PSEN1: variants seen among roughly 807,000 people sequenced by gnomAD.
The protein encoded by PSEN1 is presenilin-1.
PSEN1 carries 15 observed loss-of-function variants against 53.5 expected under a neutral mutation model. That is an observed-to-expected ratio of 0.28 (90% CI 0.19 to 0.43). The LOEUF (loss-of-function observed/expected upper bound fraction) is 0.43, where lower values mean the gene tolerates loss of function less well. Among genes scored for constraint, PSEN1 ranks in the 20% least tolerant of loss-of-function variants. The probability of loss-of-function intolerance (pLI) is 1.00; values close to 1 mark genes in which losing one functional copy is unlikely to be tolerated. For synonymous variants in PSEN1, 208 were observed against 209.8 expected (o/e 0.99, Z 0.08); for missense variants, 387 against 571.2 (o/e 0.68, Z 3.29).
intron 6 of PSEN1, 131 bp from the exon 7 acceptor site, chr14:73,192,513 G>A (rs1898762272): frequency 7.0e-6 from 5 of 719,168 alleles, no homozygotes; most frequent in Non-Finnish European, 1.3e-5. Flanking sequence ...TAGCACAGTT[G>A]ATATAGGTTA....
chr14:73,191,355 ATG>A (rs1392257100), intron 6 of PSEN1, among the ~76,000 whole-genome samples: 2 of 152,056 alleles, frequency 1.3e-5, no homozygotes, highest in Non-Finnish European at 2.9e-5. Flanking sequence ...CCATGTTTAT[ATG>A]TGTGTATTAA....
chr14:73,140,202 C>CTTTTTTTTTTTTTT (rs35223948), intron 1 of PSEN1, among the ~76,000 whole-genome samples: 3 of 73,040 alleles, frequency 4.1e-5, no homozygotes, highest in African/African-American at 5.4e-5. Flanking sequence ...TTTTGCTATT[C>CTTTTTTTTTTTTTT]TTTTTTTTTT....
intron 6 of PSEN1, among the ~76,000 whole-genome samples, chr14:73,190,485 TAAAAAAAA>T (rs78682030): frequency 7.5e-6 from 1 of 133,018 alleles, no homozygotes; most frequent in African/African-American, 2.8e-5. Flanking sequence ...TGTCTCTATT[TAAAAAAAA>T]AAAAAAAAAA....
At position 73,157,305 on chromosome 14, in the gene PSEN1, C is replaced by CT. The variant is rs78344413; in HGVS notation, c.87+9211dup. On this transcript the variant is annotated intron_variant, in intron 3 of 11. Coordinates refer to ENST00000324501, the MANE Select transcript of PSEN1 (RefSeq NM_000021.4). ...CACACCCAGCTAATTTTTTTGTATA[C>CT]TTTTTTTTTTTTAAGTACAGATGGG... 3.4e-3 allele frequency among the ~76,000 whole-genome samples: 497 copies of CT among 144,886 alleles called. 2 individuals are homozygous for CT. The highest frequency in any genetic ancestry group is 0.011 in the African/African-American group (427 of 39,812).
rs555056057 is a variant in PSEN1, at chr14:73,222,489, G to A, written c.*3200G>A. 7.9e-5 allele frequency: 12 copies of A among 152,244 alleles called. No homozygotes were observed. Among genetic ancestry groups the A allele is most frequent in the East Asian group, 5.8e-4 (3 of 5,186 alleles). 9.4% of individuals were successfully genotyped at this position (152,244 alleles called of 1,614,324 possible). A position where few individuals can be genotyped will look rare whatever the true frequency, so the allele number is the denominator to read the frequency against. On this transcript the variant is annotated 3_prime_UTR_variant, in exon 12 of 12. Coordinates refer to ENST00000324501, the MANE Select transcript of PSEN1 (RefSeq NM_000021.4). ...AGGTCTCCCAGGGTTAGATGACTGC[G>A]GGAAGCCTTTGATCCCAACCCCCAA... is the stretch of plus-strand genomic sequence containing the variant.
chr14:73,209,992 C>A (rs116616518), intron 9 of PSEN1, among the ~76,000 whole-genome samples: 149 of 152,334 alleles, frequency 9.8e-4, no homozygotes, highest in African/African-American at 3.1e-3. Context: ...ATCAAAAACT[C>A]CTCCATCCTA....
At chr14:73,209,222 G>A (rs1193810639) in intron 9 of PSEN1, among the ~76,000 whole-genome samples, 1 of 152,154 alleles carries the variant, frequency 6.6e-6, no homozygotes, top group East Asian at 1.9e-4. Flanking sequence ...CAGGACTCCC[G>A]CCTGTTCCTG....
Position 73,147,547 on chromosome 14 carries a change from G to A in PSEN1, c.-135-248G>A, listed in dbSNP as rs539760205. ...TGAGAACATTCCTTAAGATTACTCA[G>A]CTCCCTTTGCTGGAAATCAGAAGTC... On this transcript the variant is annotated intron_variant, in intron 1 of 11. Transcript: ENST00000324501. 138 of 199,718 alleles carry A rather than the reference G, an allele frequency of 6.9e-4. No individual in the cohort carries two copies. The Middle Eastern group carries it at 0.016, about 24-fold the overall frequency. The allele number at this position is 199,718 out of a possible 1,614,324, so 12.4% of individuals were successfully genotyped here. A position where few individuals can be genotyped will look rare whatever the true frequency, so the allele number is the denominator to read the frequency against.
chr14:73,212,218 C>T (rs1899731269), intron 10 of PSEN1, among the ~76,000 whole-genome samples: 1 of 144,432 alleles, frequency 6.9e-6, no homozygotes, highest in Admixed American at 7.3e-5. Flanking sequence ...TCAAGTGATT[C>T]TCCTGCCTCA....
intron 7 of PSEN1, among the ~76,000 whole-genome samples, chr14:73,194,831 G>T (rs991749041): frequency 1.3e-5 from 2 of 152,030 alleles, no homozygotes; most frequent in African/African-American, 4.8e-5. Flanking sequence ...GCCTCCCAAA[G>T]TGTTGGGATT....
chr14:73,140,634 C>T (rs1053320321), intron 1 of PSEN1, among the ~76,000 whole-genome samples: 2 of 152,056 alleles, frequency 1.3e-5, no homozygotes, highest in African/African-American at 4.8e-5. Context: ...TGCTTTTCTG[C>T]TTCTAAGACC....
chr14:73,215,661 C>T (rs1474987483), intron 10 of PSEN1, among the ~76,000 whole-genome samples: 1 of 152,022 alleles, frequency 6.6e-6, no homozygotes, highest in Admixed American at 6.6e-5. Context: ...AATACGAAGA[C>T]GATAGCCCAA....
intron 8 of PSEN1, among the ~76,000 whole-genome samples, chr14:73,204,949 G>A (rs963338050): frequency 6.6e-6 from 1 of 152,094 alleles, no homozygotes; most frequent in African/African-American, 2.4e-5. Context: ...CTTTAGATCT[G>A]GATTTAGTTA....
chr14:73,181,445 A>G (rs1181512536), intron 5 of PSEN1, among the ~76,000 whole-genome samples: 8 of 152,278 alleles, frequency 5.3e-5, no homozygotes, highest in Middle Eastern at 3.4e-3. Flanking sequence ...CTCAAAATCA[A>G]TCAATCAATC....
In PSEN1 at chr14:73,191,699, A is replaced by G. The variant is rs536064987; in HGVS notation, c.549-945A>G. Among the ~76,000 whole-genome samples the G allele has an allele frequency of 1.5e-3, 221 of 152,156 alleles. 1 individual carries two copies. The highest frequency in any genetic ancestry group is 5.1e-3 in the African/African-American group (213 of 41,540). On this transcript the variant is annotated intron_variant, in intron 6 of 11. Coordinates refer to ENST00000324501, the MANE Select transcript of PSEN1 (RefSeq NM_000021.4). ...GTAGCTGGGACTGCAGGCATGTGCC[A>G]TCAACTTTAGCTAATTTTAAAATTT...
chr14:73,219,036 A>G, intron 11 of PSEN1, 98 bp from the exon 12 acceptor site: 2 of 1,281,266 alleles, frequency 1.6e-6, no homozygotes, highest in Non-Finnish European at 2.3e-6. Context: ...GAAAATATTC[A>G]GTTAACTATG....
chr14:73,193,983 G>C (rs1325578044), intron 7 of PSEN1, among the ~76,000 whole-genome samples: 2 of 151,978 alleles, frequency 1.3e-5, no homozygotes, highest in African/African-American at 4.8e-5. Flanking sequence ...ATCAAAATTA[G>C]GTTACCTACT....
At position 73,196,274 on chromosome 14, in the gene PSEN1, A is replaced by G. The variant is rs140797307; in HGVS notation, c.770-1757A>G. Among the ~76,000 whole-genome samples, 706 of 152,232 alleles carry G rather than the reference A, an allele frequency of 4.6e-3. 11 individuals are homozygous for G. The highest frequency in any genetic ancestry group is 0.016 in the African/African-American group (674 of 41,542). On this transcript the variant is annotated intron_variant, in intron 7 of 11. Coordinates refer to ENST00000324501, the MANE Select transcript of PSEN1 (RefSeq NM_000021.4). ...ATAGTACTGAATGTGGCAGAATCAA[A>G]CAAGTTGAAAATCTCATCACTTCAG...
intron 4 of PSEN1, among the ~76,000 whole-genome samples, chr14:73,171,864 A>T (rs1218290607): frequency 6.6e-6 from 1 of 152,234 alleles, no homozygotes. Flanking sequence ...ATTGGCTTAA[A>T]TGTTAAATCC....
Sources: gnomAD v4.1 joint callset for allele counts (sites outside exome capture counted in the v4.1 genomes callset) on GRCh38, gnomAD v4.1.1 for gene constraint, MANE v1.5 for transcripts, NCBI Gene and HGNC (gene_info 2026-07-23, HGNC 2026-07-21) for gene names.